SIGLEC14: variants seen among roughly 807,000 people sequenced by gnomAD.
The protein encoded by SIGLEC14 is sialic acid binding Ig like lectin 14.
SIGLEC14 carries 11 observed loss-of-function variants against 34.2 expected under a neutral mutation model. That is an observed-to-expected ratio of 0.32 (90% CI 0.20 to 0.53). The LOEUF (loss-of-function observed/expected upper bound fraction) is 0.53, where lower values mean the gene tolerates loss of function less well. Ranked by LOEUF, SIGLEC14 falls within the 20% of genes least tolerant of loss-of-function variation. The pLI is 0.95. For missense variants in SIGLEC14, 264 were observed against 439.0 expected (o/e 0.60, Z 3.56); for synonymous variants, 99 against 179.7 (o/e 0.55, Z 3.59).
Position 51,643,281 on chromosome 19 carries a change from C to T in SIGLEC14, c.*74G>A, listed in dbSNP as rs1354497818. The stretch of plus-strand genomic sequence containing the variant: ...TGGGATGTGAGCTTCCAGAAAGAAG[C>T]TGACAGTGATGTCCTGCATGTGTCC... On this transcript the variant is annotated 3_prime_UTR_variant, in exon 7 of 7. Transcript: ENST00000360844. 2.9e-5 allele frequency: 39 copies of T among 1,350,282 alleles called. No individual in the cohort carries two copies. Among genetic ancestry groups the T allele is most frequent in the Non-Finnish European group, 3.2e-5 (32 of 984,962 alleles). 83.6% of individuals were successfully genotyped at this position (1,350,282 alleles called of 1,614,324 possible).
chr19:51,643,953 G>C lies in SIGLEC14; in HGVS notation c.838C>G (p.Pro280Ala). The C allele has an allele frequency of 6.5e-7, 1 of 1,533,926 alleles. No individual in the cohort carries two copies. Among genetic ancestry groups the C allele is most frequent in the Non-Finnish European group, 8.8e-7 (1 of 1,141,640 alleles). The change falls in exon 5 of 7, where the codon CCC (proline) becomes GCC (alanine). Residue 280 changes from proline (P) to alanine (A), a missense_variant. By Grantham distance (27) the Pro-to-Ala change is conservative. Transcript: ENST00000360844. The stretch of plus-strand genomic sequence containing the variant: ...CGGAACCAGCTCAGTGAGGCAGGGG[G>C]GTTGCTGTCAACTGTGCAGGCGAGG... ...LFLACTVDSN[P>A]PASLSWFREG... is the part of the protein sequence containing the mutation.
rs1983952477 is a variant in SIGLEC14, at chr19:51,643,402, A to C, written c.1149-5T>G. 1 of 1,510,786 alleles carries C rather than the reference A, an allele frequency of 6.6e-7. No individual in the cohort carries two copies. Among genetic ancestry groups the C allele is most frequent in the Non-Finnish European group, 8.8e-7 (1 of 1,132,152 alleles). The allele number at this position is 1,510,786 out of a possible 1,614,324, so 93.6% of individuals were successfully genotyped here. On this transcript the variant is annotated splice_polypyrimidine_tract_variant and splice_region_variant and intron_variant, in intron 6 of 6. Coordinates refer to ENST00000360844, the MANE Select transcript of SIGLEC14 (RefSeq NM_001098612.3). Reference sequence around the variant, plus strand: ...CTCTGCTGGGGGCCTCCACACCTGCAGAGCCAACATGGGCCTCAGATCAGC... The same window carrying C: ...CTCTGCTGGGGGCCTCCACACCTGCCGAGCCAACATGGGCCTCAGATCAGC...
At position 51,640,451 on chromosome 19, in the gene SIGLEC14, G is replaced by C. The variant is rs114135043; in HGVS notation, c.*2904C>G. Among the ~76,000 whole-genome samples, 1 of 138,832 alleles carries C rather than the reference G, an allele frequency of 7.2e-6. No homozygotes were observed. The highest frequency in any genetic ancestry group is 2.7e-5 in the African/African-American group (1 of 36,686). 91.1% of individuals were successfully genotyped at this position (138,832 alleles called of 152,430 possible). On this transcript the variant is annotated 3_prime_UTR_variant, in exon 7 of 7. Transcript: ENST00000360844. ...GGCAACTAGGAACACTGAAACAACA[G>C]GTAACAATTCTGGAAAGGGAAGAGC...
chr19:51,640,962 C>T lies in SIGLEC14; in HGVS notation c.*2393G>A, dbSNP rs1299218716. Among the ~76,000 whole-genome samples the T allele has an allele frequency of 2.9e-5, 4 of 138,458 alleles. 1 individual carries two copies. Among genetic ancestry groups the T allele is most frequent in the African/African-American group, 1.1e-4 (4 of 36,442 alleles). The allele number at this position is 138,458 out of a possible 152,430, so 90.8% of individuals were successfully genotyped here. A position where few individuals can be genotyped will look rare whatever the true frequency, so the allele number is the denominator to read the frequency against. ...TGCACTCCAGCCTGGGCAAAAAGAG[C>T]GAAACTCTGTCTCAAAAAAAAATTT... On this transcript the variant is annotated 3_prime_UTR_variant, in exon 7 of 7. Transcript: ENST00000360844.
rs398101261 is a variant in SIGLEC14 at position 51,641,987 on chromosome 19, TAAA to T, written c.*1365_*1367del. Among the ~76,000 whole-genome samples the T allele has an allele frequency of 2.0e-3, 280 of 138,314 alleles. 48 individuals carry two copies. Among genetic ancestry groups the T allele is most frequent in the African/African-American group, 5.5e-3 (201 of 36,256 alleles). The allele number at this position is 138,314 out of a possible 152,430, so 90.7% of individuals were successfully genotyped here. Reference sequence around the variant, plus strand: ...CATGTGTATTTATTAAAATGGAACTTAAAAAGAAAGTAGTAACAATTTGTTTAA... The same window carrying T: ...CATGTGTATTTATTAAAATGGAACTTAAGAAAGTAGTAACAATTTGTTTAA... On this transcript the variant is annotated 3_prime_UTR_variant, in exon 7 of 7. Coordinates refer to ENST00000360844, the MANE Select transcript of SIGLEC14 (RefSeq NM_001098612.3).
chr19:51,645,738 C>G (rs773547130), intron 3 of SIGLEC14, 44 bp downstream of exon 3: 2 of 1,471,020 alleles, frequency 1.4e-6, no homozygotes, highest in Non-Finnish European at 1.8e-6. Flanking sequence ...CCCCCTCACT[C>G]CCACTGCCCT....
rs1984010009 is a variant in SIGLEC14 at position 51,645,431 on chromosome 19, T to C, written c.754+46A>G. The C allele has an allele frequency of 5.4e-6, 8 of 1,471,204 alleles. 2 individuals carry two copies. The highest frequency in any genetic ancestry group is 5.5e-6 in the Non-Finnish European group (6 of 1,088,210). The allele number at this position is 1,471,204 out of a possible 1,614,324, so 91.1% of individuals were successfully genotyped here. ...CTCCCAATGCTGAACCCTGAGCTAA[T>C]AGAAGGCTCCCATCACAGCCCCAGA... On this transcript the variant is annotated intron_variant, in intron 4 of 6. Coordinates refer to ENST00000360844, the MANE Select transcript of SIGLEC14 (RefSeq NM_001098612.3).
Position 51,639,862 on chromosome 19 carries a change from G to A in SIGLEC14, c.*3493C>T, listed in dbSNP as rs1983872139. The A allele has an allele frequency of 7.2e-6, 1 of 139,152 alleles. No homozygotes were observed. The highest frequency in any genetic ancestry group is 1.5e-5 in the Non-Finnish European group (1 of 65,066). 8.6% of individuals were successfully genotyped at this position (139,152 alleles called of 1,614,324 possible). ...AAATATTGCACTCTCTTTGCTACAT[G>A]CACTTAGGGAAATTAAAAGAAAAAC... On this transcript the variant is annotated 3_prime_UTR_variant, in exon 7 of 7. Coordinates refer to ENST00000360844, the MANE Select transcript of SIGLEC14 (RefSeq NM_001098612.3).
chr19:51,643,483 G>GGCCCCCCC, intron 6 of SIGLEC14, 54 bp downstream of exon 6: 1 of 1,297,878 alleles, frequency 7.7e-7, no homozygotes, highest in East Asian at 5.4e-5. Context: ...GGGCAGGACA[G>GGCCCCCCC]CTCAGCCCCA....
In SIGLEC14 at chr19:51,645,902, G is replaced by A. The variant is rs1051074265; in HGVS notation, c.580C>T (p.Arg194Cys). 7 of 1,506,872 alleles carry A rather than the reference G, an allele frequency of 4.6e-6. 1 individual carries two copies. The highest frequency in any genetic ancestry group is 1.2e-5 in the South Asian group (1 of 80,880). The allele number at this position is 1,506,872 out of a possible 1,614,324, so 93.3% of individuals were successfully genotyped here. ...ALSPLDPETT[R>C]SSELTLTPRP... ...GGGGTGAGGGTGAGCTCCGAGGAGC[G>A]GGTGGTCTCGGGGTCCAGGGGGCTG... is the stretch of plus-strand genomic sequence containing the variant. Residue 194 changes from arginine (R) to cysteine (C), a missense_variant, in exon 3 of 7, where the codon CGC becomes TGC. By Grantham distance (180) the Arg-to-Cys change is radical. This residue lies in a region of SIGLEC14 where 45 missense variants were observed against 96.7 expected (regional missense o/e 0.47). Transcript: ENST00000360844.
chr19:51,644,115 AGAAAGACAAGAC>A, intron 4 of SIGLEC14, 79 bp from the exon 5 acceptor site: 1 of 1,359,810 alleles, frequency 7.4e-7, no homozygotes, highest in South Asian at 1.6e-5. Context: ...AGCTGCAAGA[AGAAAGACAAGAC>A]TGTGTGGTGA....
In SIGLEC14 at chr19:51,642,323, A is replaced by G. The variant is rs1983924118; in HGVS notation, c.*1032T>C. Among the ~76,000 whole-genome samples, 1 of 138,744 alleles carries G rather than the reference A, an allele frequency of 7.2e-6. No homozygotes were observed. Among genetic ancestry groups the G allele is most frequent in the Non-Finnish European group, 1.5e-5 (1 of 64,918 alleles). The allele number at this position is 138,744 out of a possible 152,430, so 91.0% of individuals were successfully genotyped here. ...AACCACACTGAAGAAATGAAAGCAG[A>G]CCCTAAAGCAAATATGTTTGGTTCC... On this transcript the variant is annotated 3_prime_UTR_variant, in exon 7 of 7. Coordinates refer to ENST00000360844, the MANE Select transcript of SIGLEC14 (RefSeq NM_001098612.3).
rs62106881 is a variant in SIGLEC14 at position 51,642,078 on chromosome 19, C to T, written c.*1277G>A. 0.27 allele frequency among the ~76,000 whole-genome samples: 36,994 copies of T among 138,280 alleles called. 9,588 individuals are homozygous for T. Among genetic ancestry groups the T allele is most frequent in the Non-Finnish European group, 0.33 (21,225 of 64,620 alleles). 90.7% of individuals were successfully genotyped at this position (138,280 alleles called of 152,430 possible). A position where few individuals can be genotyped will look rare whatever the true frequency, so the allele number is the denominator to read the frequency against. ...TTAAACAACACACTTCTAAGCAATCCGTGAATTCAAAGGAAATCTCAGGGG... is the reference window on the plus strand; with the variant it reads ...TTAAACAACACACTTCTAAGCAATCTGTGAATTCAAAGGAAATCTCAGGGG... On this transcript the variant is annotated 3_prime_UTR_variant, in exon 7 of 7. Coordinates refer to ENST00000360844, the MANE Select transcript of SIGLEC14 (RefSeq NM_001098612.3).
rs1316048254 is a variant in SIGLEC14, at chr19:51,646,729, A to ACAGCAGGGGCAGCAG, written c.16_30dup (p.Leu6_Leu10dup). On this transcript the variant is annotated inframe_insertion, in exon 1 of 7. Coordinates refer to ENST00000360844, the MANE Select transcript of SIGLEC14 (RefSeq NM_001098612.3). ...CCTCCCTCAGCTCACTCACCCCCCC[A>ACAGCAGGGGCAGCAG]CAGCAGGGGCAGCAGCAGCAGGGGC... The ACAGCAGGGGCAGCAG allele has an allele frequency of 1.2e-4, 73 of 628,750 alleles. 1 individual carries two copies. The African/African-American group carries it at 1.5e-3, about 13-fold the overall frequency. The allele number at this position is 628,750 out of a possible 1,614,324, so 38.9% of individuals were successfully genotyped here. A position where few individuals can be genotyped will look rare whatever the true frequency, so the allele number is the denominator to read the frequency against.
Position 51,643,919 on chromosome 19 carries a change from T to C in SIGLEC14, c.872A>G (p.Lys291Arg), listed in dbSNP as rs1368858837. The C allele has an allele frequency of 1.3e-6, 2 of 1,533,832 alleles. No homozygotes were observed. The highest frequency in any genetic ancestry group is 3.4e-5 in the Admixed American group (2 of 58,030). The change falls in exon 5 of 7, where the codon AAA becomes AGA. Residue 291 changes from lysine to arginine, a missense_variant. Coordinates refer to ENST00000360844, the MANE Select transcript of SIGLEC14 (RefSeq NM_001098612.3). Reference sequence around the variant, plus strand: ...TGAGGTCTGGGAAGGATTGAGGGCTTTTCCCTCCCGGAACCAGCTCAGTGA... The same window carrying C: ...TGAGGTCTGGGAAGGATTGAGGGCTCTTCCCTCCCGGAACCAGCTCAGTGA... ...PASLSWFREG[K>R]ALNPSQTSMS...
intron 4 of SIGLEC14, 121 bp downstream of exon 4, chr19:51,645,356 G>C: frequency 1.2e-6 from 1 of 867,278 alleles, no homozygotes; most frequent in South Asian, 1.6e-5. Flanking sequence ...GGGGGGTTGG[G>C]AGCAGGAAGG....
intron 3 of SIGLEC14, 112 bp from the exon 4 acceptor site, chr19:51,645,642 C>G: frequency 6.9e-7 from 1 of 1,449,320 alleles, no homozygotes; most frequent in Non-Finnish European, 9.3e-7. Context: ...GACCGCTGTC[C>G]TTCCTGCCCA....
rs1983946258 is a variant in SIGLEC14, at chr19:51,643,189, A to T, written c.*166T>A. On this transcript the variant is annotated 3_prime_UTR_variant, in exon 7 of 7. Coordinates refer to ENST00000360844, the MANE Select transcript of SIGLEC14 (RefSeq NM_001098612.3). ...GATGGGGATGCAGGTGTGGTGGGGC[A>T]AGACTCACAAGCAGAGGGGAATAAG... 9.1e-6 allele frequency: 6 copies of T among 656,854 alleles called. 1 individual carries two copies. Among genetic ancestry groups the T allele is most frequent in the Non-Finnish European group, 1.5e-5 (6 of 393,220 alleles). The allele number at this position is 656,854 out of a possible 1,614,324, so 40.7% of individuals were successfully genotyped here.
Position 51,645,543 on chromosome 19 carries a change from G to A in SIGLEC14, c.701-13C>T. The A allele has an allele frequency of 1.3e-6, 2 of 1,531,046 alleles. No individual in the cohort carries two copies. Among genetic ancestry groups the A allele is most frequent in the Middle Eastern group, 1.7e-4 (1 of 5,904 alleles). 94.8% of individuals were successfully genotyped at this position (1,531,046 alleles called of 1,614,324 possible). On this transcript the variant is annotated splice_polypyrimidine_tract_variant and intron_variant, in intron 3 of 6. Coordinates refer to ENST00000360844, the MANE Select transcript of SIGLEC14 (RefSeq NM_001098612.3). ...TTCTGTGGAGCATCTGGGATAGAAAGATACAGCACCAGCTTCAGAGGTGAC... is the reference window on the plus strand; with the variant it reads ...TTCTGTGGAGCATCTGGGATAGAAAAATACAGCACCAGCTTCAGAGGTGAC...
Sources: gnomAD v4.1 joint callset for allele counts (sites outside exome capture counted in the v4.1 genomes callset) on GRCh38, gnomAD v4.1.1 for gene constraint, gnomAD v4.1.1 regional missense constraint, MANE v1.5 for transcripts, NCBI Gene and HGNC (gene_info 2026-07-23, HGNC 2026-07-21) for gene names.